Variants in SNX18 observed in about 807,000 individuals in gnomAD.
The protein encoded by SNX18 is sorting nexin 18.
Under a neutral mutation model 48.7 loss-of-function variants are expected in SNX18, and 35 were observed. The ratio of observed to expected loss-of-function variants is 0.72; its 90% CI spans 0.55 to 0.95. SNX18 has a LOEUF of 0.95. Ranked by LOEUF, SNX18 falls within the 40% of genes least tolerant of loss-of-function variation. SNX18 has a pLI of 0.00. For synonymous variants in SNX18, 492 were observed against 384.7 expected (o/e 1.28, Z -3.26); for missense variants, 824 against 871.0 (o/e 0.95, Z 0.68).
chr5:54,616,539 G>A, the SNX18 span, among the ~76,000 whole-genome samples: 1 of 152,170 alleles, frequency 6.6e-6, no homozygotes, highest in South Asian at 2.1e-4. Flanking sequence ...TTGGGTGGCT[G>A]AGGCAGGTGG....
At chr5:54,527,612 C>T (rs1179356122) in intron 1 of SNX18, among the ~76,000 whole-genome samples, 1 of 152,256 alleles carries the variant, frequency 6.6e-6, no homozygotes, top group African/African-American at 2.4e-5. Context: ...CACCCCAACA[C>T]AAGCACTTTC....
At chr5:54,609,459 A>G in the SNX18 span, among the ~76,000 whole-genome samples, 1 of 151,904 alleles carries the variant, frequency 6.6e-6, no homozygotes, top group Non-Finnish European at 1.5e-5. Flanking sequence ...GATGGTATTC[A>G]TTTTCTATTT....
At chr5:54,562,977 A>G in the SNX18 span, among the ~76,000 whole-genome samples, 1 of 152,240 alleles carries the variant, frequency 6.6e-6, no homozygotes, top group Non-Finnish European at 1.5e-5. Flanking sequence ...TTAATAAAAC[A>G]GTTTAAAAAG....
At chr5:54,615,193 G>T in the SNX18 span, among the ~76,000 whole-genome samples, 1 of 152,198 alleles carries the variant, frequency 6.6e-6, no homozygotes, top group African/African-American at 2.4e-5. Flanking sequence ...CAAAATTGTA[G>T]TAGGTAAAAT....
At chr5:54,537,182 A>AAG (rs576244427) in intron 1 of SNX18, among the ~76,000 whole-genome samples, 27 of 151,912 alleles carry the variant, frequency 1.8e-4, no homozygotes, top group Non-Finnish European at 2.7e-4. Context: ...AAATTAAATA[A>AAG]AGAGAGAGAG....
At chr5:54,520,014 C>T in intron 1 of SNX18, 1 of 587,636 alleles carries the variant, frequency 1.7e-6, no homozygotes. Context: ...AAATAGAAAT[C>T]TGCTTTCACC....
the SNX18 span, among the ~76,000 whole-genome samples, chr5:54,634,206 T>C: frequency 2.0e-5 from 3 of 152,200 alleles, no homozygotes; most frequent in African/African-American, 7.2e-5. Flanking sequence ...TCTAACATGC[T>C]TATTGGATTT....
chr5:54,626,445 T>G, the SNX18 span, among the ~76,000 whole-genome samples: 8 of 152,326 alleles, frequency 5.3e-5, no homozygotes, highest in East Asian at 1.4e-3. Flanking sequence ...CATGAGCCAC[T>G]GCACACAGCA....
the SNX18 span, among the ~76,000 whole-genome samples, chr5:54,641,644 T>C: frequency 0.83 from 126,950 of 152,168 alleles, 53,386 homozygotes; most frequent in East Asian, 0.95. Context: ...CTACTATTTC[T>C]CACAGCACAA....
chr5:54,518,495 C>T lies in SNX18; in HGVS notation c.543C>T (p.Gly181=), dbSNP rs1043889415. 7.0e-6 allele frequency: 11 copies of T among 1,570,268 alleles called. No individual in the cohort carries two copies. In the Middle Eastern group the frequency reaches 5.0e-4, roughly 71 times the overall value. Residue 181 remains glycine (G), a synonymous_variant, in exon 1 of 2, where the codon GGC becomes GGT. Coordinates refer to ENST00000381410, the MANE Select transcript of SNX18 (RefSeq NM_001102575.2). ...LGSGAYPDLD[G]SSSAGVGAAG... ...GCGGAGCATACCCGGACCTCGACGGCTCGTCTTCGGCGGGTGTGGGCGCAG... is the reference window on the plus strand; with the variant it reads ...GCGGAGCATACCCGGACCTCGACGGTTCGTCTTCGGCGGGTGTGGGCGCAG...
intron 1 of SNX18, among the ~76,000 whole-genome samples, chr5:54,525,237 G>A (rs1187060249): frequency 6.6e-6 from 1 of 152,126 alleles, no homozygotes; most frequent in African/African-American, 2.4e-5. Context: ...AAAATAGATG[G>A]GTGAATTTAA....
the SNX18 span, among the ~76,000 whole-genome samples, chr5:54,582,565 C>T: frequency 6.6e-6 from 1 of 151,910 alleles, no homozygotes; most frequent in South Asian, 2.1e-4. Flanking sequence ...TCAAGACCAG[C>T]CTGGGCAACA....
intron 1 of SNX18, among the ~76,000 whole-genome samples, chr5:54,525,774 A>T (rs1488320182): frequency 1.3e-5 from 2 of 152,124 alleles, no homozygotes; most frequent in Non-Finnish European, 2.9e-5. Flanking sequence ...TGACTTTTTT[A>T]AAAAAATAAG....
downstream of SNX18, among the ~76,000 whole-genome samples, chr5:54,551,127 A>G (rs1762650757): frequency 6.6e-6 from 1 of 152,126 alleles, no homozygotes; most frequent in African/African-American, 2.4e-5. Context: ...GTGGAGCTGC[A>G]GCTCTGTGCC....
At chr5:54,615,882 G>A in the SNX18 span, among the ~76,000 whole-genome samples, 7 of 152,192 alleles carry the variant, frequency 4.6e-5, no homozygotes, top group South Asian at 2.1e-4. Flanking sequence ...TTAGAAATGG[G>A]ATCTGTTTGG....
At chr5:54,576,041 G>C in the SNX18 span, among the ~76,000 whole-genome samples, 1 of 152,094 alleles carries the variant, frequency 6.6e-6, no homozygotes, top group African/African-American at 2.4e-5. Context: ...TATATGCTTT[G>C]CTCCTATTAA....
At chr5:54,642,423 T>C in the SNX18 span, among the ~76,000 whole-genome samples, 1 of 152,064 alleles carries the variant, frequency 6.6e-6, no homozygotes, top group African/African-American at 2.4e-5. Context: ...TTCCCCACTG[T>C]CAAAGGCTCA....
the SNX18 span, among the ~76,000 whole-genome samples, chr5:54,572,750 GTGTGTATA>G: frequency 4.8e-5 from 2 of 41,472 alleles, no homozygotes; most frequent in Non-Finnish European, 1.0e-4. Flanking sequence ...GTGTGTGTGT[GTGTGTATA>G]TATATATATA....
At chr5:54,594,891 GT>G in the SNX18 span, among the ~76,000 whole-genome samples, 7 of 152,018 alleles carry the variant, frequency 4.6e-5, no homozygotes, top group Non-Finnish European at 1.0e-4. Context: ...AATACCCAAT[GT>G]TTAGCTCCGT....
Sources: gnomAD v4.1 joint callset for allele counts (sites outside exome capture counted in the v4.1 genomes callset) on GRCh38, gnomAD v4.1.1 for gene constraint, MANE v1.5 for transcripts, NCBI Gene and HGNC (gene_info 2026-07-23, HGNC 2026-07-21) for gene names.